The following QNG1 variants were observed in gnomAD, a reference collection of about 807,000 sequenced individuals.
The protein encoded by QNG1 is Q-nucleotide N-glycosylase 1.
the QNG1 span, chr9:83,944,819 A>T: frequency 1.2e-6 from 2 of 1,613,714 alleles, no homozygotes; most frequent in Admixed American, 1.7e-5. Flanking sequence ...TCAGTAGGTC[A>T]TCAGAGTATT....
At chr9:83,943,907 G>C in the QNG1 span, among the ~76,000 whole-genome samples, 1 of 152,028 alleles carries the variant, frequency 6.6e-6, no homozygotes, top group African/African-American at 2.4e-5. Context: ...TGTAGTCCCA[G>C]CTACTCGGGA....
the QNG1 span, chr9:83,953,745 C>T: frequency 8.4e-5 from 124 of 1,475,192 alleles, no homozygotes; most frequent in Non-Finnish European, 1.1e-4. Context: ...GCAACCTCCC[C>T]CTCCCAGGTT....
At chr9:83,953,816 C>T in the QNG1 span, 19 of 1,549,088 alleles carry the variant, frequency 1.2e-5, no homozygotes, top group African/African-American at 2.3e-4. Flanking sequence ...GAGGGTCCAA[C>T]AAAATGATCA....
chr9:83,939,658 A>G, the QNG1 span: 1 of 1,614,082 alleles, frequency 6.2e-7, no homozygotes, highest in East Asian at 2.2e-5. Context: ...TAAGCTCCAG[A>G]AGACAATCCC....
At chr9:83,948,408 G>A in the QNG1 span, among the ~76,000 whole-genome samples, 8 of 150,778 alleles carry the variant, frequency 5.3e-5, no homozygotes, top group South Asian at 1.5e-3. Context: ...CCCGGCAGCC[G>A]CCCCGTCCGG....
At chr9:83,951,420 C>T in the QNG1 span, among the ~76,000 whole-genome samples, 3 of 152,076 alleles carry the variant, frequency 2.0e-5, no homozygotes, top group South Asian at 4.2e-4. Flanking sequence ...ATTAGCCTGG[C>T]GTGGTGGTGC....
At chr9:83,945,613 A>T in the QNG1 span, among the ~76,000 whole-genome samples, 1 of 151,764 alleles carries the variant, frequency 6.6e-6, no homozygotes, top group Admixed American at 6.6e-5. Flanking sequence ...TATTATTATT[A>T]TTTTTTGAGA....
At chr9:83,952,279 T>G in the QNG1 span, among the ~76,000 whole-genome samples, 4 of 152,320 alleles carry the variant, frequency 2.6e-5, no homozygotes, top group East Asian at 7.7e-4. Flanking sequence ...CCACCATGCC[T>G]GGCCCATTTT....
chr9:83,951,913 G>A, the QNG1 span, among the ~76,000 whole-genome samples: 2 of 152,164 alleles, frequency 1.3e-5, no homozygotes, highest in African/African-American at 4.8e-5. Flanking sequence ...ATCTGTTCAT[G>A]TCTAAAAATG....
At chr9:83,941,302 T>C in the QNG1 span, among the ~76,000 whole-genome samples, 1 of 152,226 alleles carries the variant, frequency 6.6e-6, no homozygotes, top group Non-Finnish European at 1.5e-5. Flanking sequence ...ACCTGGTACC[T>C]GTGACTTTGA....
the QNG1 span, among the ~76,000 whole-genome samples, chr9:83,950,648 C>G: frequency 7.1e-3 from 1,008 of 141,906 alleles, 15 homozygotes; most frequent in African/African-American, 0.025. Flanking sequence ...GGCTGTAGCT[C>G]AATTCAGTGG....
chr9:83,944,989 C>T, the QNG1 span: 2 of 1,595,100 alleles, frequency 1.3e-6, no homozygotes, highest in Non-Finnish European at 1.7e-6. Flanking sequence ...ACTCTTTTCC[C>T]CTGATGAATG....
chr9:83,939,967 T>G, the QNG1 span, among the ~76,000 whole-genome samples: 239 of 152,282 alleles, frequency 1.6e-3, 1 homozygote, highest in Middle Eastern at 6.8e-3. Flanking sequence ...TGTCTCAATA[T>G]TCCCAGGAGC....
At chr9:83,956,282 C>T in the QNG1 span, 4 of 1,614,118 alleles carry the variant, frequency 2.5e-6, no homozygotes, top group Non-Finnish European at 3.4e-6. Context: ...AGAAGTTGAG[C>T]GTGTCTGTCA....
the QNG1 span, among the ~76,000 whole-genome samples, chr9:83,946,240 G>A: frequency 6.6e-6 from 1 of 151,934 alleles, no homozygotes; most frequent in African/African-American, 2.4e-5. Context: ...GAGTGGCAGA[G>A]GTTGCAGTGA....
chr9:83,948,219 G>T, the QNG1 span, among the ~76,000 whole-genome samples: 1 of 151,644 alleles, frequency 6.6e-6, no homozygotes, highest in Non-Finnish European at 1.5e-5. Flanking sequence ...CGTCTGGGAG[G>T]TGAGGAGCGT....
At chr9:83,939,964 A>G in the QNG1 span, among the ~76,000 whole-genome samples, 1 of 152,226 alleles carries the variant, frequency 6.6e-6, no homozygotes, top group Non-Finnish European at 1.5e-5. Context: ...GCTTGTCTCA[A>G]TATTCCCAGG....
chr9:83,955,652 A>C, the QNG1 span: 1 of 1,606,734 alleles, frequency 6.2e-7, no homozygotes, highest in Non-Finnish European at 8.5e-7. Context: ...TTTAGTGAAA[A>C]AATAAAATTC....
chr9:83,943,124 GA>G, the QNG1 span, among the ~76,000 whole-genome samples: 1 of 151,850 alleles, frequency 6.6e-6, no homozygotes, highest in Non-Finnish European at 1.5e-5. Flanking sequence ...GGTGGATCAT[GA>G]GGTCAGGAGT....
Sources: gnomAD v4.1 joint callset for allele counts (sites outside exome capture counted in the v4.1 genomes callset) on GRCh38, gnomAD v4.1.1 for gene constraint, MANE v1.5 for transcripts, NCBI Gene and HGNC (gene_info 2026-07-23, HGNC 2026-07-21) for gene names.